DLGAP1: variants seen among roughly 807,000 people sequenced by gnomAD.
DLGAP1 encodes the protein disks large-associated protein 1.
DLGAP1 carries 11 observed loss-of-function variants against 90.8 expected under a neutral mutation model. That is an observed-to-expected ratio of 0.12 (90% CI 0.08 to 0.20). The LOEUF (loss-of-function observed/expected upper bound fraction) is 0.20. DLGAP1 is among the 10% of genes least tolerant of loss of function. The pLI, the probability that DLGAP1 is intolerant of heterozygous loss-of-function variation, is 1.00. For missense variants in DLGAP1, 1,050 were observed against 1,333.8 expected (o/e 0.79, Z 3.31); for synonymous variants, 558 against 540.7 (o/e 1.03, Z -0.44).
chr18:4,175,465 C>T lies in DLGAP1; in HGVS notation c.-266-24178G>A, dbSNP rs117273064. 9.9e-5 allele frequency among the ~76,000 whole-genome samples: 15 copies of T among 152,198 alleles called. No individual in the cohort carries two copies. The East Asian group carries it at 2.1e-3, about 22-fold the overall frequency. ...TTTTGACATTTGTTGCAATTCCTTT[C>T]GGCATTTATGTCATGAAATCTTTGC... On this transcript the variant is annotated intron_variant, in intron 1 of 12. Transcript: ENST00000315677.
intron 3 of DLGAP1, among the ~76,000 whole-genome samples, chr18:3,926,413 TATATATATAC>T (rs1209997089): frequency 3.5e-5 from 4 of 113,372 alleles, no homozygotes; most frequent in African/African-American, 1.3e-4. Flanking sequence ...TATATATATA[TATATATATAC>T]ACACACACAC....
In DLGAP1 at chr18:4,378,992, G is replaced by T. The variant is rs762315226; in HGVS notation, c.-267+76014C>A. ...CACAGCATGTGATCTCCTGTGCCGCGTGACCACAGTTGATAGGACCAAGGG... is the reference window on the plus strand; with the variant it reads ...CACAGCATGTGATCTCCTGTGCCGCTTGACCACAGTTGATAGGACCAAGGG... On this transcript the variant is annotated intron_variant, in intron 1 of 12. Transcript: ENST00000315677. This position sits in a 1 kb window ranked among gnomAD's most constrained non-coding sequence, Gnocchi z 4.5. Among the ~76,000 whole-genome samples, 2 of 152,074 alleles carry T rather than the reference G, an allele frequency of 1.3e-5. No homozygotes were observed. Among genetic ancestry groups the T allele is most frequent in the Admixed American group, 1.3e-4 (2 of 15,250 alleles).
intron 4 of DLGAP1, among the ~76,000 whole-genome samples, chr18:3,861,991 C>T (rs2070095122): frequency 6.6e-6 from 1 of 152,186 alleles, no homozygotes; most frequent in Non-Finnish European, 1.5e-5. Flanking sequence ...ACAAATGAAG[C>T]CAGACGTTGA....
chr18:4,343,482 C>A (rs1352523507), intron 1 of DLGAP1, among the ~76,000 whole-genome samples: 1 of 151,984 alleles, frequency 6.6e-6, no homozygotes, highest in African/African-American at 2.4e-5. Flanking sequence ...GTTGGGTCAG[C>A]AGTTTAAAGT....
chr18:3,672,485 G>A (rs2060125825), intron 7 of DLGAP1, among the ~76,000 whole-genome samples: 1 of 149,668 alleles, frequency 6.7e-6, no homozygotes. Context: ...GCTGAGGCTG[G>A]AGAATCGCTT....
chr18:3,926,438 A>G (rs117730423), intron 3 of DLGAP1, among the ~76,000 whole-genome samples: 2,439 of 151,224 alleles, frequency 0.016, 40 homozygotes, highest in South Asian at 0.036. Context: ...ACACACACAC[A>G]CACACACATG....
chr18:3,749,190 C>A (rs938557961), intron 5 of DLGAP1, among the ~76,000 whole-genome samples: 6 of 142,382 alleles, frequency 4.2e-5, no homozygotes, highest in Non-Finnish European at 7.5e-5. Context: ...CACTCTGTTG[C>A]CCAGGCTGGA....
At chr18:4,300,758 C>G (rs2080105730) in intron 1 of DLGAP1, among the ~76,000 whole-genome samples, 1 of 152,070 alleles carries the variant, frequency 6.6e-6, no homozygotes. Context: ...GTCATTGCCT[C>G]CGGAATGATA....
intron 1 of DLGAP1, among the ~76,000 whole-genome samples, chr18:4,430,014 C>T (rs1368112717): frequency 6.6e-6 from 1 of 151,938 alleles, no homozygotes; most frequent in Admixed American, 6.6e-5. Flanking sequence ...ACAAAAAGAA[C>T]GACTTTAGGA....
At chr18:4,203,437 C>T (rs996232615) in intron 1 of DLGAP1, among the ~76,000 whole-genome samples, 1 of 152,086 alleles carries the variant, frequency 6.6e-6, no homozygotes, top group Non-Finnish European at 1.5e-5. Flanking sequence ...AATCGAGTTC[C>T]ATTTTTCAAA....
At chr18:3,871,471 G>A (rs1270484677) in intron 4 of DLGAP1, among the ~76,000 whole-genome samples, 1 of 152,006 alleles carries the variant, frequency 6.6e-6, no homozygotes, top group African/African-American at 2.4e-5. Context: ...AAATCAGGGA[G>A]GAGTTAGACA....
At chr18:4,059,484 G>A (rs775877348) in intron 2 of DLGAP1, among the ~76,000 whole-genome samples, 2 of 152,222 alleles carry the variant, frequency 1.3e-5, no homozygotes, top group African/African-American at 4.8e-5. Context: ...GGCCAAGACA[G>A]GTGGATCACC....
At chr18:4,098,417 C>A (rs2075720162) in intron 2 of DLGAP1, among the ~76,000 whole-genome samples, 2 of 151,746 alleles carry the variant, frequency 1.3e-5, no homozygotes, top group Admixed American at 1.3e-4. Flanking sequence ...GCTTTTATAC[C>A]CCAGGAGATA....
chr18:3,611,056 C>A (rs1310045007), intron 7 of DLGAP1, among the ~76,000 whole-genome samples: 9 of 151,820 alleles, frequency 5.9e-5, no homozygotes, highest in Non-Finnish European at 1.2e-4. Context: ...TGCTTGAGCC[C>A]AGGAGGTCGA....
intron 7 of DLGAP1, among the ~76,000 whole-genome samples, chr18:3,692,369 T>C (rs1365158784): frequency 6.6e-6 from 1 of 152,210 alleles, no homozygotes; most frequent in Admixed American, 6.5e-5. Flanking sequence ...TATGAGTCAA[T>C]TATAAAGTTC....
rs113982114 is a variant in DLGAP1, at chr18:3,678,010, G to A, written c.1591+51125C>T. Among the ~76,000 whole-genome samples the A allele has an allele frequency of 0.016, 2,364 of 146,776 alleles. 102 individuals carry two copies. In the East Asian group the frequency reaches 0.17, roughly 10 times the overall value. ...GGAGTCTAGCTCTGTCGCCCAGGCT[G>A]GAGTGCAATGGTGCAATCTTGGCTC... On this transcript the variant is annotated intron_variant, in intron 7 of 12. Transcript: ENST00000315677.
rs1027569562 is a variant in DLGAP1, at chr18:3,498,969, G to T, written c.*216C>A. 13 of 559,764 alleles carry T rather than the reference G, an allele frequency of 2.3e-5. No homozygotes were observed. The highest frequency in any genetic ancestry group is 4.1e-5 in the Non-Finnish European group (13 of 320,450). The allele number at this position is 559,764 out of a possible 1,614,324, so 34.7% of individuals were successfully genotyped here. On this transcript the variant is annotated 3_prime_UTR_variant, in exon 13 of 13. Transcript: ENST00000315677. The stretch of plus-strand genomic sequence containing the variant: ...CGACGGCATCAGGACAGGGGGCGAA[G>T]CTCGGTGAAGAAGGAGATGGGCAAA...
chr18:3,784,467 TA>T (rs927318277), intron 5 of DLGAP1, among the ~76,000 whole-genome samples: 1 of 152,220 alleles, frequency 6.6e-6, no homozygotes, highest in African/African-American at 2.4e-5. Context: ...GTGTATGTGT[TA>T]TTTTTTAAGA....
chr18:4,403,778 T>G (rs1329182040), intron 1 of DLGAP1, among the ~76,000 whole-genome samples: 1 of 152,144 alleles, frequency 6.6e-6, no homozygotes, highest in African/African-American at 2.4e-5. Context: ...TGTTTTTTCT[T>G]GCCAAACTCC....
Sources: gnomAD v4.1 joint callset for allele counts (sites outside exome capture counted in the v4.1 genomes callset) on GRCh38, gnomAD v4.1.1 for gene constraint, Gnocchi (gnomAD v3.1) non-coding constraint, MANE v1.5 for transcripts, NCBI Gene and HGNC (gene_info 2026-07-23, HGNC 2026-07-21) for gene names.